TBC1D19: variants seen among roughly 807,000 people sequenced by gnomAD.
The protein encoded by TBC1D19 is TBC1 domain family, member 19.
In TBC1D19, 60 loss-of-function variants were observed where a neutral mutation model predicts 89.0. The observed-to-expected ratio is 0.67, with a 90% CI of 0.55 to 0.84. The LOEUF (loss-of-function observed/expected upper bound fraction) is 0.84. Ranked by LOEUF, TBC1D19 falls within the 40% of genes least tolerant of loss-of-function variation. TBC1D19 has a pLI of 0.00. For missense variants in TBC1D19, 500 were observed against 610.8 expected (o/e 0.82, Z 1.91); for synonymous variants, 189 against 199.7 (o/e 0.95, Z 0.45).
At chr4:26,593,451 A>G (rs1017255220) in intron 1 of TBC1D19, among the ~76,000 whole-genome samples, 3 of 152,364 alleles carry the variant, frequency 2.0e-5, no homozygotes, top group South Asian at 2.1e-4. Context: ...TGTCTAAAAC[A>G]CCAAAAGCAA....
chr4:26,817,281 T>C, the TBC1D19 span, among the ~76,000 whole-genome samples: 134,486 of 152,112 alleles, frequency 0.88, 59,537 homozygotes, highest in South Asian at 0.91. Context: ...ATACCCCCTC[T>C]CCCGCACCCC....
intron 4 of TBC1D19, among the ~76,000 whole-genome samples, chr4:26,623,257 C>A (rs1742184120): frequency 6.6e-6 from 1 of 152,136 alleles, no homozygotes; most frequent in Admixed American, 6.6e-5. Flanking sequence ...TCTCTTCTCC[C>A]AAACTTTTGA....
chr4:26,647,815 CT>C (rs1406534066), intron 7 of TBC1D19, among the ~76,000 whole-genome samples: 1 of 152,066 alleles, frequency 6.6e-6, no homozygotes, highest in African/African-American at 2.4e-5. Flanking sequence ...TCCCTCACTA[CT>C]TGTGTCTTTG....
chr4:26,721,803 C>T (rs185341221), intron 15 of TBC1D19, among the ~76,000 whole-genome samples: 271 of 152,152 alleles, frequency 1.8e-3, no homozygotes, highest in African/African-American at 6.2e-3. Flanking sequence ...TTATTTATAC[C>T]CACAGCTACA....
intron 17 of TBC1D19, among the ~76,000 whole-genome samples, chr4:26,741,364 A>T (rs1408926126): frequency 4.8e-5 from 2 of 41,404 alleles, no homozygotes; most frequent in Non-Finnish European, 1.0e-4. Context: ...CTCTGTCTCA[A>T]AAAAAAAAAA....
chr4:26,719,298 C>T (rs1716834357), intron 14 of TBC1D19, among the ~76,000 whole-genome samples: 1 of 151,996 alleles, frequency 6.6e-6, no homozygotes. Flanking sequence ...CTAACCTGAA[C>T]TGCTCACACT....
chr4:26,673,442 T>TAC (rs1167477111), intron 10 of TBC1D19, among the ~76,000 whole-genome samples: 263 of 14,620 alleles, frequency 0.018, no homozygotes, highest in South Asian at 0.093. Context: ...TATATATATA[T>TAC]ATATACACAC....
chr4:26,824,251 A>C, the TBC1D19 span, among the ~76,000 whole-genome samples: 1 of 152,210 alleles, frequency 6.6e-6, no homozygotes, highest in Non-Finnish European at 1.5e-5. Flanking sequence ...AAGTTCTAGC[A>C]ACAGTGCGTG....
chr4:26,731,488 A>G (rs1025803215), intron 15 of TBC1D19, among the ~76,000 whole-genome samples: 1 of 152,170 alleles, frequency 6.6e-6, no homozygotes, highest in Non-Finnish European at 1.5e-5. Flanking sequence ...AAATGACTCA[A>G]AAGTTTCTTC....
the TBC1D19 span, among the ~76,000 whole-genome samples, chr4:26,834,387 TATTC>T: frequency 6.6e-6 from 1 of 152,182 alleles, no homozygotes; most frequent in Non-Finnish European, 1.5e-5. Context: ...ATTCAACAAA[TATTC>T]ATTCATTTAA....
At chr4:26,850,065 G>A in the TBC1D19 span, among the ~76,000 whole-genome samples, 2 of 152,064 alleles carry the variant, frequency 1.3e-5, no homozygotes, top group Non-Finnish European at 2.9e-5. Context: ...TAGGTTTATT[G>A]CTTTACTTAG....
In TBC1D19 at chr4:26,659,398, C is replaced by A. The variant is rs6448462; in HGVS notation, c.481-199C>A. On this transcript the variant is annotated intron_variant, in intron 7 of 20. Transcript: ENST00000264866. ...ATCATTCATTGGAATATAAAACCAT[C>A]CTAATTAAAGTATATTTATGGCATT... 5.7e-3 allele frequency among the ~76,000 whole-genome samples: 860 copies of A among 151,988 alleles called. 8 individuals are homozygous for A. The highest frequency in any genetic ancestry group is 0.02 in the African/African-American group (822 of 41,470).
At chr4:26,639,855 T>G (rs529720898) in intron 6 of TBC1D19, among the ~76,000 whole-genome samples, 2 of 152,200 alleles carry the variant, frequency 1.3e-5, no homozygotes, top group Non-Finnish European at 2.9e-5. Flanking sequence ...TCTCATATAG[T>G]ACCTTTATGT....
intron 8 of TBC1D19, 141 bp from the exon 9 acceptor site, chr4:26,666,192 C>T: frequency 1.8e-6 from 1 of 566,598 alleles, no homozygotes; most frequent in Non-Finnish European, 3.0e-6. Context: ...ATGTCCTTTT[C>T]TTTTTTAGGT....
At chr4:26,594,067 A>G (rs1171788261) in intron 1 of TBC1D19, among the ~76,000 whole-genome samples, 1 of 152,212 alleles carries the variant, frequency 6.6e-6, no homozygotes, top group Non-Finnish European at 1.5e-5. Flanking sequence ...ACTATTCACA[A>G]TAGCAAAGAC....
the TBC1D19 span, among the ~76,000 whole-genome samples, chr4:26,851,546 G>A: frequency 5.1e-4 from 77 of 152,060 alleles, no homozygotes; most frequent in African/African-American, 1.8e-3. Context: ...CAAACTTCAG[G>A]TGGAGGGTGC....
intron 8 of TBC1D19, among the ~76,000 whole-genome samples, chr4:26,664,861 C>T (rs566703544): frequency 3.9e-5 from 6 of 152,126 alleles, no homozygotes; most frequent in East Asian, 1.9e-4. Flanking sequence ...CCTGGTTGGT[C>T]GAGTGTGAGC....
intron 7 of TBC1D19, among the ~76,000 whole-genome samples, chr4:26,643,936 C>T (rs1743727773): frequency 6.6e-6 from 1 of 151,958 alleles, no homozygotes; most frequent in African/African-American, 2.4e-5. Flanking sequence ...TAATTAATAG[C>T]CTCCCAACCA....
At chr4:26,819,126 C>CTGGG in the TBC1D19 span, among the ~76,000 whole-genome samples, 2 of 152,196 alleles carry the variant, frequency 1.3e-5, no homozygotes, top group Non-Finnish European at 2.9e-5. Flanking sequence ...AAAGAAATCC[C>CTGGG]CAGCGACTAA....
Sources: allele counts gnomAD v4.1 joint callset (sites outside exome capture counted in the v4.1 genomes callset), GRCh38; gene constraint gnomAD v4.1.1; transcripts MANE v1.5; gene names NCBI Gene and HGNC (gene_info 2026-07-23, HGNC 2026-07-21).